Variants in SUMF1 observed in about 807,000 individuals in gnomAD.
SUMF1 encodes the protein formylglycine-generating enzyme.
Under a neutral mutation model 47.6 loss-of-function variants are expected in SUMF1, and 48 were observed. The observed-to-expected ratio is 1.01, with a 90% CI of 0.80 to 1.28. The LOEUF (loss-of-function observed/expected upper bound fraction) is 1.28, where lower values mean the gene tolerates loss of function less well. Ranked by LOEUF, SUMF1 falls within the 50% of genes most tolerant of loss-of-function variation. The pLI is 0.00. For synonymous variants in SUMF1, 230 were observed against 192.1 expected, an observed-to-expected ratio of 1.20 and a Z score of -1.63; for missense variants, 571 against 485.4, an observed-to-expected ratio of 1.18 and a Z score of -1.66.
chr3:4,345,398 G>T (rs138747854), intron 8 of SUMF1, among the ~76,000 whole-genome samples: 137 of 152,238 alleles, frequency 9.0e-4, no homozygotes, highest in Non-Finnish European at 1.6e-3. Context: ...TTAAAGAAAA[G>T]AATTTTCAAC....
At chr3:4,159,131 T>C (rs915450243) in intron 8 of SUMF1, among the ~76,000 whole-genome samples, 1 of 151,454 alleles carries the variant, frequency 6.6e-6, no homozygotes, top group African/African-American at 2.4e-5. Context: ...TCTGTGTACT[T>C]ACTATTACCA....
At chr3:4,408,774 C>A (rs1340837950) in intron 7 of SUMF1, among the ~76,000 whole-genome samples, 1 of 152,042 alleles carries the variant, frequency 6.6e-6, no homozygotes, top group South Asian at 2.1e-4. Context: ...TGTTTGAGAC[C>A]AGTCTGGCCA....
chr3:4,406,458 C>T (rs1397896404), intron 7 of SUMF1, among the ~76,000 whole-genome samples: 1 of 152,090 alleles, frequency 6.6e-6, no homozygotes, highest in Admixed American at 6.5e-5. Flanking sequence ...GAGTTCAAGA[C>T]CAGCCTAGCC....
chr3:4,455,712 G>A (rs111451912), intron 1 of SUMF1, among the ~76,000 whole-genome samples: 2,958 of 151,764 alleles, frequency 0.019, 103 homozygotes, highest in African/African-American at 0.069. Context: ...GCAAGACTCC[G>A]TTTCAAATAA....
At chr3:4,414,245 C>T (rs1334968176) in intron 6 of SUMF1, among the ~76,000 whole-genome samples, 1 of 152,224 alleles carries the variant, frequency 6.6e-6, no homozygotes, top group Non-Finnish European at 1.5e-5. Flanking sequence ...GTGGAAAAAT[C>T]ACTTGAGCCC....
At chr3:4,364,537 G>C (rs1400585106) in intron 8 of SUMF1, among the ~76,000 whole-genome samples, 1 of 150,698 alleles carries the variant, frequency 6.6e-6, no homozygotes, top group South Asian at 2.1e-4. Context: ...ATTCTCTGAT[G>C]GTAGTTTGTA....
intron 8 of SUMF1, among the ~76,000 whole-genome samples, chr3:4,304,709 CAGATA>C (rs1023539968): frequency 1.2e-4 from 19 of 152,236 alleles, no homozygotes; most frequent in Admixed American, 3.3e-4. Flanking sequence ...TTGTGAGGAT[CAGATA>C]AGATAAGAGA....
intron 8 of SUMF1, among the ~76,000 whole-genome samples, chr3:4,330,209 T>C (rs1471366507): frequency 6.6e-6 from 1 of 152,190 alleles, no homozygotes; most frequent in Non-Finnish European, 1.5e-5. Flanking sequence ...CTCCAAACTG[T>C]TCCAACCTCT....
In SUMF1 at chr3:4,122,476, T is replaced by C. The variant is rs188551402; in HGVS notation, c.1015-53731A>G. 1.7e-3 allele frequency among the ~76,000 whole-genome samples: 255 copies of C among 152,276 alleles called. 4 individuals are homozygous for C. Among genetic ancestry groups the C allele is most frequent in the Non-Finnish European group, 2.9e-3 (198 of 68,014 alleles). On this transcript the variant is annotated intron_variant and NMD_transcript_variant, in intron 8 of 12. Transcript: ENST00000448413. Reference sequence around the variant, plus strand: ...ATCATGAAAATGTTTTGGGACCAGATAGAGGCAGTGGTTTTACAACAGTGT... The same window carrying C: ...ATCATGAAAATGTTTTGGGACCAGACAGAGGCAGTGGTTTTACAACAGTGT...
chr3:4,218,770 C>A (rs184264414), intron 8 of SUMF1, among the ~76,000 whole-genome samples: 28 of 152,260 alleles, frequency 1.8e-4, no homozygotes, highest in African/African-American at 6.7e-4. Context: ...CTAACTATGA[C>A]GCCTTCAGAG....
intron 8 of SUMF1, among the ~76,000 whole-genome samples, chr3:4,205,569 TTTCTAAGTA>T (rs1482042436): frequency 1.3e-5 from 2 of 152,338 alleles, no homozygotes; most frequent in East Asian, 3.9e-4. Context: ...TTAAGAAAGC[TTTCTAAGTA>T]TTCAAAGGGC....
At chr3:4,391,894 C>T (rs1700879317) in intron 7 of SUMF1, among the ~76,000 whole-genome samples, 1 of 150,760 alleles carries the variant, frequency 6.6e-6, no homozygotes, top group Non-Finnish European at 1.5e-5. Context: ...TTGGTGCAAT[C>T]TTGGTTCACC....
In SUMF1 at chr3:4,439,188, A is replaced by T. The variant is rs544001154; in HGVS notation, c.519+10078T>A. On this transcript the variant is annotated intron_variant, in intron 3 of 8. Transcript: ENST00000272902. Reference sequence around the variant, plus strand: ...AGCAAAGAAGACTCAACAATTTTAAACTATGTATTAAACTTAAGAAGTCAA... The same window carrying T: ...AGCAAAGAAGACTCAACAATTTTAATCTATGTATTAAACTTAAGAAGTCAA... 2.0e-5 allele frequency among the ~76,000 whole-genome samples: 3 copies of T among 152,336 alleles called. No individual in the cohort carries two copies. The South Asian group carries it at 6.2e-4, about 32-fold the overall frequency.
chr3:4,231,602 G>T (rs1354490775), intron 8 of SUMF1, among the ~76,000 whole-genome samples: 1 of 152,132 alleles, frequency 6.6e-6, no homozygotes, highest in Non-Finnish European at 1.5e-5. Flanking sequence ...GCCCTTTCCT[G>T]CTTTGCATGC....
chr3:4,320,648 A>C (rs1467491207), intron 8 of SUMF1, among the ~76,000 whole-genome samples: 2 of 152,182 alleles, frequency 1.3e-5, no homozygotes, highest in African/African-American at 4.8e-5. Context: ...CAGGTCATAA[A>C]AGTTGTTTAG....
chr3:4,237,428 T>C (rs746928235), intron 8 of SUMF1, among the ~76,000 whole-genome samples: 6 of 152,286 alleles, frequency 3.9e-5, no homozygotes, highest in Non-Finnish European at 7.4e-5. Context: ...TATACCTTCT[T>C]TGATTATGTG....
downstream of SUMF1, among the ~76,000 whole-genome samples, chr3:4,358,436 A>T (rs1699671216): frequency 6.6e-6 from 1 of 152,222 alleles, no homozygotes; most frequent in African/African-American, 2.4e-5. Context: ...GCTCGGCTCC[A>T]ACTGTTTATC....
intron 8 of SUMF1, among the ~76,000 whole-genome samples, chr3:4,323,789 A>G (rs546140143): frequency 2.0e-5 from 3 of 152,170 alleles, no homozygotes; most frequent in Non-Finnish European, 4.4e-5. Context: ...GGCCATTACC[A>G]CCATCAGAGA....
At chr3:4,165,712 T>C (rs971555430) in intron 8 of SUMF1, among the ~76,000 whole-genome samples, 19 of 151,988 alleles carry the variant, frequency 1.3e-4, no homozygotes, top group African/African-American at 4.4e-4. Context: ...GGCCAGACCA[T>C]GGTGCAGAAA....
Sources: gnomAD v4.1 joint callset for allele counts (sites outside exome capture counted in the v4.1 genomes callset) on GRCh38, gnomAD v4.1.1 for gene constraint, MANE v1.5 for transcripts, NCBI Gene and HGNC (gene_info 2026-07-23, HGNC 2026-07-21) for gene names.